The following ABCA13 variants were observed in gnomAD, a reference collection of about 807,000 sequenced individuals.
ABCA13 encodes the protein ATP binding cassette subfamily A member 13.
In ABCA13, 476 loss-of-function variants were observed where a neutral mutation model predicts 478.7. The ratio of observed to expected loss-of-function variants is 0.99; its 90% CI spans 0.92 to 1.07. The LOEUF is 1.07. Ranked by LOEUF, ABCA13 falls within the 50% of genes least tolerant of loss-of-function variation. ABCA13 has a pLI of 0.00. For missense variants in ABCA13, 6,060 were observed against 5,910.6 expected, an observed-to-expected ratio of 1.03 and a Z score of -0.83; for synonymous variants, 2,252 against 2,158.9, an observed-to-expected ratio of 1.04 and a Z score of -1.20.
At chr7:48,454,885 A>C (rs571208797) in intron 42 of ABCA13, among the ~76,000 whole-genome samples, 152 bp from the exon 43 acceptor site, 136 of 152,272 alleles carry the variant, frequency 8.9e-4, no homozygotes, top group Middle Eastern at 3.4e-3. Flanking sequence ...AGGTGCATAA[A>C]GGGGACACTC....
At chr7:48,622,824 T>A (rs1793272988) in intron 59 of ABCA13, among the ~76,000 whole-genome samples, 1 of 152,186 alleles carries the variant, frequency 6.6e-6, no homozygotes, top group Non-Finnish European at 1.5e-5. Flanking sequence ...CTGTTATTAT[T>A]ACCCTTCATC....
At chr7:48,188,359 A>G (rs922559147) in intron 1 of ABCA13, among the ~76,000 whole-genome samples, 1 of 152,076 alleles carries the variant, frequency 6.6e-6, no homozygotes, top group Non-Finnish European at 1.5e-5. Context: ...TGTTTATTTG[A>G]TCATTCTCAG....
chr7:48,412,978 AT>A (rs1348399997), intron 41 of ABCA13, among the ~76,000 whole-genome samples: 1 of 151,168 alleles, frequency 6.6e-6, no homozygotes, highest in Non-Finnish European at 1.5e-5. Context: ...CGCCTGGCTA[AT>A]TTTTTGTATT....
chr7:48,295,178 C>T (rs527299035), intron 20 of ABCA13, among the ~76,000 whole-genome samples: 2 of 152,188 alleles, frequency 1.3e-5, no homozygotes, highest in African/African-American at 2.4e-5. Flanking sequence ...TCCTGCACAC[C>T]CTTACCAACA....
intron 49 of ABCA13, among the ~76,000 whole-genome samples, chr7:48,507,103 C>T (rs368721185): frequency 3.3e-5 from 5 of 152,188 alleles, no homozygotes; most frequent in African/African-American, 4.8e-5. Context: ...CTTGTCCTCA[C>T]GTTCACTTAA....
intron 26 of ABCA13, among the ~76,000 whole-genome samples, chr7:48,316,113 G>A (rs1027067781): frequency 6.6e-6 from 1 of 152,134 alleles, no homozygotes; most frequent in Non-Finnish European, 1.5e-5. Flanking sequence ...CTCATCAGGT[G>A]ACCATTGATT....
At chr7:48,517,405 A>G (rs1470818290) in intron 52 of ABCA13, among the ~76,000 whole-genome samples, 1 of 152,180 alleles carries the variant, frequency 6.6e-6, no homozygotes, top group African/African-American at 2.4e-5. Flanking sequence ...TTTTCCAAGC[A>G]TGGCAGCCAA....
chr7:48,201,889 G>T (rs1282189821), intron 3 of ABCA13, among the ~76,000 whole-genome samples: 2 of 152,068 alleles, frequency 1.3e-5, no homozygotes, highest in African/African-American at 4.8e-5. Context: ...CTGATGTTCG[G>T]ACGTGTCCGG....
At chr7:48,431,236 T>C (rs1269000396) in intron 42 of ABCA13, among the ~76,000 whole-genome samples, 2 of 152,088 alleles carry the variant, frequency 1.3e-5, no homozygotes, top group Non-Finnish European at 2.9e-5. Flanking sequence ...TTTCACCATG[T>C]TGGCCAGGCT....
chr7:48,345,748 G>A (rs1263226800), intron 29 of ABCA13, among the ~76,000 whole-genome samples: 1 of 152,100 alleles, frequency 6.6e-6, no homozygotes, highest in Admixed American at 6.5e-5. Context: ...TAAATTTAGT[G>A]TAGCTTAAGT....
intron 59 of ABCA13, among the ~76,000 whole-genome samples, chr7:48,640,221 T>A (rs922485309): frequency 2.0e-5 from 3 of 152,150 alleles, no homozygotes; most frequent in Admixed American, 1.3e-4. Context: ...GACTTTTAAT[T>A]TGGGGGGAAG....
At chr7:48,480,758 TC>T (rs1222381116) in intron 45 of ABCA13, among the ~76,000 whole-genome samples, 6 of 152,260 alleles carry the variant, frequency 3.9e-5, no homozygotes, top group Non-Finnish European at 5.9e-5. Flanking sequence ...ACATTTTTTT[TC>T]TTTTTAGTTT....
At chr7:48,212,012 G>T (rs187441707) in intron 3 of ABCA13, among the ~76,000 whole-genome samples, 2 of 152,060 alleles carry the variant, frequency 1.3e-5, no homozygotes, top group African/African-American at 4.8e-5. Context: ...GAACACCAGG[G>T]CTTATCTAAG....
intron 3 of ABCA13, among the ~76,000 whole-genome samples, chr7:48,203,623 G>C (rs939123909): frequency 1.2e-4 from 12 of 97,114 alleles, no homozygotes; most frequent in African/African-American, 4.2e-4. Flanking sequence ...ATTTTAACAA[G>C]AGGATTTCAG....
intron 23 of ABCA13, among the ~76,000 whole-genome samples, chr7:48,306,664 T>C (rs901019941): frequency 6.6e-6 from 1 of 152,040 alleles, no homozygotes; most frequent in African/African-American, 2.4e-5. Context: ...CAGCCCTATA[T>C]GAAAAAAGGT....
At chr7:48,570,047 AT>A (rs1787458059) in intron 55 of ABCA13, among the ~76,000 whole-genome samples, 1 of 152,024 alleles carries the variant, frequency 6.6e-6, no homozygotes, top group Non-Finnish European at 1.5e-5. Flanking sequence ...TAAATATTGA[AT>A]ATAGTGTATT....
chr7:48,510,000 A>C (rs1423848907), intron 50 of ABCA13, among the ~76,000 whole-genome samples: 1 of 152,220 alleles, frequency 6.6e-6, no homozygotes, highest in African/African-American at 2.4e-5. Context: ...CAGAACTGTG[A>C]GCAATAAAGT....
Position 48,272,729 on chromosome 7 carries a change from TG to T in ABCA13, c.3068del (p.Gly1023GlufsTer35), listed in dbSNP as rs772879974. The T allele has an allele frequency of 3.1e-6, 5 of 1,610,414 alleles. No individual in the cohort carries two copies. Among genetic ancestry groups the T allele is most frequent in the Non-Finnish European group, 3.4e-6 (4 of 1,177,878 alleles). On this transcript the variant is annotated frameshift_variant, in exon 17 of 62. Transcript: ENST00000435803. LOFTEE classifies it high-confidence loss of function. ...TTTTATTTAAGACAGCAGAGGTTCTTGGGGGAATTTCTAATGTATCTTACTG... is the reference window on the plus strand; with the variant it reads ...TTTTATTTAAGACAGCAGAGGTTCTTGGGGAATTTCTAATGTATCTTACTG... The part of the protein sequence containing the change: ...AFLFKTAEVL[G>X]GISNVSYCQQ...
At chr7:48,203,058 C>G (rs942668679) in intron 3 of ABCA13, among the ~76,000 whole-genome samples, 1 of 152,242 alleles carries the variant, frequency 6.6e-6, no homozygotes, top group Non-Finnish European at 1.5e-5. Context: ...GCCTGCCCCA[C>G]GGGAAGGCAG....
Sources: gnomAD v4.1 joint callset for allele counts (sites outside exome capture counted in the v4.1 genomes callset) on GRCh38, gnomAD v4.1.1 for gene constraint, MANE v1.5 for transcripts, NCBI Gene and HGNC (gene_info 2026-07-23, HGNC 2026-07-21) for gene names.